The following PSD3 variants were observed in gnomAD, a reference collection of about 807,000 sequenced individuals.
The protein encoded by PSD3 is pleckstrin and Sec7 domain containing 3.
A neutral mutation model predicts 105.5 loss-of-function variants in PSD3; 49 were observed. The observed-to-expected ratio is 0.46, with a 90% CI of 0.37 to 0.59. PSD3 has a LOEUF of 0.59. PSD3 is among the 20% of genes least tolerant of loss of function. The pLI is 0.00. For synonymous variants in PSD3, 557 were observed against 457.8 expected (o/e 1.22, Z -2.77); for missense variants, 1,561 against 1,263.8 (o/e 1.24, Z -3.57).
rs554278415 is a variant in PSD3 at position 18,853,659 on chromosome 8, C to T, written c.1634+14015G>A. On this transcript the variant is annotated intron_variant, in intron 4 of 15. Coordinates refer to ENST00000327040, the MANE Select transcript of PSD3 (RefSeq NM_015310.4). ...CCATACTAACAGCACAGCCAACTTT[C>T]CCTTCAGAGCAGTGATATACCAAAA... is the stretch of plus-strand genomic sequence containing the variant. Among the ~76,000 whole-genome samples the T allele has an allele frequency of 2.6e-5, 4 of 152,310 alleles. No individual in the cohort carries two copies. The South Asian group carries it at 6.2e-4, about 24-fold the overall frequency.
intron 14 of PSD3, among the ~76,000 whole-genome samples, chr8:18,562,560 C>T (rs1333090936): frequency 6.6e-6 from 1 of 152,158 alleles, no homozygotes; most frequent in Non-Finnish European, 1.5e-5. Context: ...AGGCTGGACT[C>T]AGGGTTACTC....
At chr8:18,704,383 G>T (rs1801767350) in intron 9 of PSD3, among the ~76,000 whole-genome samples, 2 of 152,172 alleles carry the variant, frequency 1.3e-5, no homozygotes, top group South Asian at 4.1e-4. Flanking sequence ...TGTCGCACAG[G>T]CTGGAGTGCA....
At chr8:18,561,776 T>A (rs1357454379) in intron 14 of PSD3, among the ~76,000 whole-genome samples, 2 of 152,126 alleles carry the variant, frequency 1.3e-5, no homozygotes, top group Non-Finnish European at 2.9e-5. Context: ...AATATTAAGC[T>A]CTAATGTCAT....
intron 1 of PSD3, among the ~76,000 whole-genome samples, chr8:18,991,785 A>G (rs1304772912): frequency 6.6e-6 from 1 of 152,198 alleles, no homozygotes; most frequent in Non-Finnish European, 1.5e-5. Context: ...TCTAGCTTCA[A>G]AACAACTTTT....
intron 2 of PSD3, among the ~76,000 whole-genome samples, chr8:18,927,969 C>T (rs1446209701): frequency 6.6e-6 from 1 of 152,130 alleles, no homozygotes; most frequent in Non-Finnish European, 1.5e-5. Context: ...GTAGAATTGC[C>T]ATTCAACTCG....
chr8:19,066,122 A>G (rs1231013995), intron 1 of PSD3, among the ~76,000 whole-genome samples: 1 of 152,232 alleles, frequency 6.6e-6, no homozygotes, highest in Non-Finnish European at 1.5e-5. Flanking sequence ...CAATTCATGA[A>G]TTGCTAATAA....
intron 1 of PSD3, among the ~76,000 whole-genome samples, chr8:19,064,731 G>C (rs550517781): frequency 1.4e-4 from 21 of 152,100 alleles, no homozygotes; most frequent in African/African-American, 4.8e-4. Flanking sequence ...TTCATTATTT[G>C]GTCTAAACAT....
chr8:18,835,173 C>T (rs1342987712), intron 4 of PSD3, among the ~76,000 whole-genome samples: 2 of 152,076 alleles, frequency 1.3e-5, no homozygotes, highest in African/African-American at 4.8e-5. Flanking sequence ...ATATGCATAT[C>T]CTAAGAACCA....
chr8:19,006,638 G>C (rs1826696163), intron 1 of PSD3, among the ~76,000 whole-genome samples: 1 of 151,966 alleles, frequency 6.6e-6, no homozygotes, highest in Non-Finnish European at 1.5e-5. Flanking sequence ...AGAGTATTTG[G>C]GGATAAAGAG....
At chr8:18,928,978 G>C (rs1026169311) in intron 2 of PSD3, among the ~76,000 whole-genome samples, 1 of 152,046 alleles carries the variant, frequency 6.6e-6, no homozygotes, top group Non-Finnish European at 1.5e-5. Context: ...CCACCAACAA[G>C]TCTTTTGTTT....
At chr8:18,582,639 T>C (rs1802891395) in intron 12 of PSD3, among the ~76,000 whole-genome samples, 1 of 152,104 alleles carries the variant, frequency 6.6e-6, no homozygotes, top group African/African-American at 2.4e-5. Context: ...AATTGCTTAC[T>C]GGACACATCC....
intron 4 of PSD3, among the ~76,000 whole-genome samples, chr8:18,831,773 G>T (rs1409444471): frequency 1.3e-5 from 2 of 151,970 alleles, no homozygotes; most frequent in Non-Finnish European, 2.9e-5. Flanking sequence ...CATCAAACAG[G>T]TTCCCTCATG....
chr8:18,576,861 C>A (rs1382302491), intron 12 of PSD3, among the ~76,000 whole-genome samples: 2 of 151,104 alleles, frequency 1.3e-5, no homozygotes, highest in East Asian at 1.9e-4. Context: ...TGAGTTTGCA[C>A]AAAGGTTAGC....
At chr8:19,083,557 G>A (rs62499167) in intron 1 of PSD3, among the ~76,000 whole-genome samples, 51,128 of 151,998 alleles carry the variant, frequency 0.34, 9,262 homozygotes, top group East Asian at 0.69. Context: ...GTCTAGGTGT[G>A]TTGGGGAGAT....
At chr8:18,785,830 G>A (rs1563265238) in intron 8 of PSD3, among the ~76,000 whole-genome samples, 1 of 152,136 alleles carries the variant, frequency 6.6e-6, no homozygotes. Flanking sequence ...GAATAGGGAG[G>A]CCTGAGGAGA....
intron 11 of PSD3, among the ~76,000 whole-genome samples, chr8:18,607,899 AG>A (rs1212691337): frequency 6.6e-5 from 10 of 152,112 alleles, no homozygotes; most frequent in Non-Finnish European, 1.3e-4. Flanking sequence ...AGCAAGGAGA[AG>A]TGCCGAGCAA....
intron 8 of PSD3, among the ~76,000 whole-genome samples, chr8:18,784,419 TCCAGG>T (rs747262107): frequency 2.0e-5 from 3 of 152,274 alleles, no homozygotes; most frequent in Non-Finnish European, 4.4e-5. Flanking sequence ...CAACCAATTC[TCCAGG>T]AGACACCAGT....
intron 4 of PSD3, among the ~76,000 whole-genome samples, chr8:18,823,773 AACACACTCACACACACACACAC>A (rs56838662): frequency 0.15 from 20,470 of 134,752 alleles, 2,551 homozygotes; most frequent in African/African-American, 0.36. Context: ...CTTTATCTTA[AACACACTCACACACACACACAC>A]ACACACACAC....
At chr8:18,849,522 T>C (rs1031486466) in intron 4 of PSD3, 10 of 152,234 alleles carry the variant, frequency 6.6e-5, no homozygotes, top group South Asian at 6.2e-4. Context: ...CCGAGGTCTA[T>C]ACTAGGTATC....
Sources: gnomAD v4.1 joint callset for allele counts (sites outside exome capture counted in the v4.1 genomes callset) on GRCh38, gnomAD v4.1.1 for gene constraint, MANE v1.5 for transcripts, NCBI Gene and HGNC (gene_info 2026-07-23, HGNC 2026-07-21) for gene names.